The following TTC39C variants were observed in gnomAD, a reference collection of about 807,000 sequenced individuals.
The protein encoded by TTC39C is tetratricopeptide repeat protein 39C.
Under a neutral mutation model 76.3 loss-of-function variants are expected in TTC39C, and 33 were observed. The ratio of observed to expected loss-of-function variants is 0.43; its 90% CI spans 0.33 to 0.58. The LOEUF (loss-of-function observed/expected upper bound fraction) is 0.58. Ranked by LOEUF, TTC39C falls within the 20% of genes least tolerant of loss-of-function variation. TTC39C has a pLI of 0.04. For synonymous variants in TTC39C, 254 were observed against 260.6 expected, an observed-to-expected ratio of 0.97 and a Z score of 0.24; for missense variants, 595 against 701.4, an observed-to-expected ratio of 0.85 and a Z score of 1.71.
intron 6 of TTC39C, chr18:24,113,776 C>A (rs930292312): frequency 1.5e-6 from 1 of 683,720 alleles, no homozygotes; most frequent in Non-Finnish European, 2.7e-6. Flanking sequence ...GTTGGCAGAC[C>A]CTGAGTGACA....
chr18:24,122,714 C>A (rs2084986362), intron 8 of TTC39C, among the ~76,000 whole-genome samples: 1 of 152,080 alleles, frequency 6.6e-6, no homozygotes, highest in Admixed American at 6.5e-5. Context: ...AGAGAAGACA[C>A]AGCAAAGGGA....
At chr18:24,083,203 T>C in intron 6 of TTC39C, 122 bp downstream of exon 6, 1 of 1,015,040 alleles carries the variant, frequency 9.9e-7, no homozygotes, top group Non-Finnish European at 1.4e-6. Context: ...TTTTGTTCTT[T>C]TGCCTTTCCT....
intron 1 of TTC39C, among the ~76,000 whole-genome samples, chr18:24,062,686 T>C (rs1164602144): frequency 6.6e-6 from 1 of 152,110 alleles, no homozygotes; most frequent in East Asian, 1.9e-4. Flanking sequence ...CTGTAGAATT[T>C]AGGTAGGTAC....
chr18:24,024,396 T>C (rs902112047), intron 1 of TTC39C, among the ~76,000 whole-genome samples: 1 of 151,900 alleles, frequency 6.6e-6, no homozygotes, highest in African/African-American at 2.4e-5. Flanking sequence ...CCTTGTATAA[T>C]GAAGAAATTT....
At chr18:23,997,666 GA>G (rs1306482207) in intron 1 of TTC39C, among the ~76,000 whole-genome samples, 24 of 78,876 alleles carry the variant, frequency 3.0e-4, no homozygotes, top group African/African-American at 5.5e-4. Flanking sequence ...AAGAAAGAAA[GA>G]AAGAAAGAAA....
At chr18:24,120,211 G>A (rs985909691) in intron 8 of TTC39C, among the ~76,000 whole-genome samples, 5 of 152,202 alleles carry the variant, frequency 3.3e-5, no homozygotes, top group African/African-American at 7.2e-5. Flanking sequence ...TAAGCCAGGC[G>A]TGGTGGCGCA....
chr18:24,060,597 T>A (rs2084086923), intron 1 of TTC39C, among the ~76,000 whole-genome samples: 1 of 152,212 alleles, frequency 6.6e-6, no homozygotes, highest in Non-Finnish European at 1.5e-5. Flanking sequence ...CGTGAGCCAC[T>A]GCGCCTGGCC....
intron 1 of TTC39C, among the ~76,000 whole-genome samples, chr18:24,055,713 T>C (rs1442658263): frequency 1.3e-5 from 2 of 152,196 alleles, no homozygotes; most frequent in East Asian, 1.9e-4. Context: ...GCTGATTATG[T>C]TCTGTGAGGC....
intron 1 of TTC39C, among the ~76,000 whole-genome samples, chr18:24,018,746 T>A (rs571734819): frequency 6.6e-6 from 1 of 151,966 alleles, no homozygotes; most frequent in Non-Finnish European, 1.5e-5. Flanking sequence ...GTGGTGAGGT[T>A]TAAACGGAAA....
intron 1 of TTC39C, chr18:24,022,642 C>T: frequency 2.0e-6 from 2 of 985,380 alleles, no homozygotes; most frequent in Non-Finnish European, 1.2e-6. Flanking sequence ...AGAAGCTATC[C>T]ATCAAACCCC....
At chr18:24,122,232 G>T (rs904099677) in intron 8 of TTC39C, among the ~76,000 whole-genome samples, 2 of 151,866 alleles carry the variant, frequency 1.3e-5, no homozygotes, top group East Asian at 3.9e-4. Flanking sequence ...AACGAAGGGG[G>T]AACTAGCCAG....
intron 1 of TTC39C, among the ~76,000 whole-genome samples, chr18:24,044,202 C>G (rs915404407): frequency 6.6e-6 from 1 of 152,080 alleles, no homozygotes; most frequent in Non-Finnish European, 1.5e-5. Context: ...AAAAGTCAGA[C>G]TCTTTCTAGG....
rs146819719 is a variant in TTC39C at position 24,118,766 on chromosome 18, C to T, written c.1186+534C>T. ...CTCCCAGGCTCAAGCGATCCTCCTG[C>T]CTCAGCCTCCAGAGTAGCTGGGACT... On this transcript the variant is annotated intron_variant, in intron 8 of 13. Coordinates refer to ENST00000317571, the MANE Select transcript of TTC39C (RefSeq NM_001135993.2). 2.3e-3 allele frequency among the ~76,000 whole-genome samples: 356 copies of T among 152,104 alleles called. 1 individual carries two copies. The highest frequency in any genetic ancestry group is 8.3e-3 in the African/African-American group (345 of 41,490).
At chr18:24,042,563 G>A (rs867650436) in intron 1 of TTC39C, among the ~76,000 whole-genome samples, 3 of 152,114 alleles carry the variant, frequency 2.0e-5, no homozygotes, top group African/African-American at 7.2e-5. Flanking sequence ...GCGACCCAGG[G>A]GTTGGGAACC....
chr18:24,121,309 AC>A (rs1376089090), intron 8 of TTC39C, among the ~76,000 whole-genome samples: 1 of 152,054 alleles, frequency 6.6e-6, no homozygotes. Flanking sequence ...GCGGTGGCTC[AC>A]CCCTGTAATC....
chr18:23,993,687 C>A (rs1469445280), intron 1 of TTC39C, among the ~76,000 whole-genome samples: 1 of 151,980 alleles, frequency 6.6e-6, no homozygotes, highest in Non-Finnish European at 1.5e-5. Flanking sequence ...GTTTATTTTT[C>A]ATAAATATTT....
In TTC39C at chr18:24,099,035, GTATA is replaced by G. The variant is rs10582999; in HGVS notation, c.985-15511_985-15508del. On this transcript the variant is annotated intron_variant, in intron 6 of 13. Transcript: ENST00000317571. ...TGTGTGTGTGTGTGTGTGTGTGTGT[GTATA>G]TATATATCTATACACGTATATACAT... is the stretch of plus-strand genomic sequence containing the variant. Among the ~76,000 whole-genome samples the G allele has an allele frequency of 5.2e-3, 762 of 146,690 alleles. 7 individuals are homozygous for G. Among genetic ancestry groups the G allele is most frequent in the Non-Finnish European group, 7.6e-3 (508 of 66,512 alleles).
intron 8 of TTC39C, 61 bp from the exon 9 acceptor site, chr18:24,123,773 G>C (rs979062109): frequency 1.6e-6 from 2 of 1,230,516 alleles, no homozygotes; most frequent in East Asian, 2.5e-5. Flanking sequence ...ATCACTTCAG[G>C]TATCCCTTAT....
At chr18:24,054,668 T>C (rs981283238) in intron 1 of TTC39C, among the ~76,000 whole-genome samples, 3 of 152,270 alleles carry the variant, frequency 2.0e-5, no homozygotes, top group South Asian at 2.1e-4. Context: ...GTCATGATGA[T>C]ATTCCATCTG....
Sources: allele counts gnomAD v4.1 joint callset (sites outside exome capture counted in the v4.1 genomes callset), GRCh38; gene constraint gnomAD v4.1.1; transcripts MANE v1.5; gene names NCBI Gene and HGNC (gene_info 2026-07-23, HGNC 2026-07-21).